SEC24B: variants seen among roughly 807,000 people sequenced by gnomAD.
The protein encoded by SEC24B is protein transport protein Sec24B.
Under a neutral mutation model 142.8 loss-of-function variants are expected in SEC24B, and 45 were observed. The observed-to-expected ratio is 0.32, with a 90% CI of 0.25 to 0.40. The LOEUF (loss-of-function observed/expected upper bound fraction) is 0.40, where lower values mean the gene tolerates loss of function less well. Among genes scored for constraint, SEC24B ranks in the 10% least tolerant of loss-of-function variants. The pLI, the probability that SEC24B is intolerant of heterozygous loss-of-function variation, is 1.00. For synonymous variants in SEC24B, 574 were observed against 568.2 expected, an observed-to-expected ratio of 1.01 and a Z score of -0.15; for missense variants, 1,409 against 1,526.8, an observed-to-expected ratio of 0.92 and a Z score of 1.29.
chr4:109,532,859 G>T, intron 21 of SEC24B, 116 bp downstream of exon 21: 3 of 578,088 alleles, frequency 5.2e-6, no homozygotes, highest in Non-Finnish European at 6.2e-6. Flanking sequence ...ATTAGGATTA[G>T]GAGCTGAAAT....
In SEC24B at chr4:109,506,478, A is replaced by G. The variant is rs1736703475; in HGVS notation, c.1639A>G (p.Asn547Asp). 16 of 1,584,644 alleles carry G rather than the reference A, an allele frequency of 1.0e-5. No homozygotes were observed. The highest frequency in any genetic ancestry group is 1.4e-5 in the Non-Finnish European group (16 of 1,167,738). The change falls in exon 7 of 24, where the codon AAT (asparagine) becomes GAT (aspartate). Residue 547 changes from asparagine to aspartate, a missense_variant. Around this residue, in one of 2 missense-constraint regions of SEC24B, gnomAD observed 709 missense variants for 673.5 expected, o/e 1.05. Transcript: ENST00000265175. ...TGTTTGGGCTCCTGTACCTAACTTG[A>G]ATGCAGACCTCAAAAAATTAAACTG... ...TPVWAPVPNL[N>D]ADLKKLNCSP... is the part of the protein sequence containing the mutation.
Position 109,526,389 on chromosome 4 carries a change from A to T in SEC24B, c.2955A>T (p.Thr985=), listed in dbSNP as rs1724230326. 1 of 1,606,100 alleles carries T rather than the reference A, an allele frequency of 6.2e-7. No individual in the cohort carries two copies. The highest frequency in any genetic ancestry group is 1.7e-5 in the Admixed American group (1 of 58,898). The change falls in exon 17 of 24, where the codon ACA becomes ACT. Residue 985 remains threonine (T), a synonymous_variant. Transcript: ENST00000265175. ...LVCFQTALLY[T]SSKGERRIRV... Reference sequence around the variant, plus strand: ...GTTTTCAAACAGCCCTATTATATACATCAAGCAAAGGTAATGTTAACAGAA... The same window carrying T: ...GTTTTCAAACAGCCCTATTATATACTTCAAGCAAAGGTAATGTTAACAGAA...
At chr4:109,442,600 G>A (rs1034909548) in intron 1 of SEC24B, among the ~76,000 whole-genome samples, 3 of 151,786 alleles carry the variant, frequency 2.0e-5, no homozygotes, top group Admixed American at 1.3e-4. Flanking sequence ...ATCTGACTTT[G>A]ATCTGACTGA....
chr4:109,459,773 T>C (rs1241359772), intron 1 of SEC24B, among the ~76,000 whole-genome samples: 1 of 152,230 alleles, frequency 6.6e-6, no homozygotes, highest in East Asian at 1.9e-4. Flanking sequence ...TTTCAGATCA[T>C]GTAGCATGGA....
Position 109,538,609 on chromosome 4 carries a change from G to T in SEC24B, c.3692+13G>T, listed in dbSNP as rs749357073. ...TTCACATAGTAAAGTAAGTACTTTT[G>T]TAACTTAATTATGAAGTTGTCTTTC... On this transcript the variant is annotated intron_variant, in intron 23 of 23. Transcript: ENST00000265175. 4 of 1,506,772 alleles carry T rather than the reference G, an allele frequency of 2.7e-6. No homozygotes were observed. In the South Asian group the frequency reaches 4.5e-5, roughly 17 times the overall value. 93.3% of individuals were successfully genotyped at this position (1,506,772 alleles called of 1,614,324 possible). A position where few individuals can be genotyped will look rare whatever the true frequency, so the allele number is the denominator to read the frequency against.
chr4:109,535,119 CG>C (rs1275554866), intron 22 of SEC24B, among the ~76,000 whole-genome samples: 1 of 152,144 alleles, frequency 6.6e-6, no homozygotes. Flanking sequence ...TGCTTATGTA[CG>C]AGTTTTTGTG....
At chr4:109,434,134 G>C (rs1728143358) in intron 1 of SEC24B, 132 bp downstream of exon 1, 2 of 586,626 alleles carry the variant, frequency 3.4e-6, no homozygotes, top group Admixed American at 1.3e-4. Flanking sequence ...ACGGGAGCGG[G>C]CGCGGTGCGG....
chr4:109,473,319 G>T, intron 3 of SEC24B, 133 bp downstream of exon 3: 3 of 526,268 alleles, frequency 5.7e-6, no homozygotes, highest in South Asian at 4.6e-5. Context: ...TCTCATATAT[G>T]TTTTACATAA....
At chr4:109,533,105 A>C (rs1287055875) in intron 21 of SEC24B, among the ~76,000 whole-genome samples, 1 of 152,228 alleles carries the variant, frequency 6.6e-6, no homozygotes, top group Admixed American at 6.5e-5. Context: ...GAGTTTATCT[A>C]GTTCAACTTA....
rs538377424 is a variant in SEC24B at position 109,442,238 on chromosome 4, G to A, written c.133+8236G>A. ...GATACCATCCTTCATACCAGAGCAG[G>A]ATCCTATAAGCTTTCAGCTGTGCCA... On this transcript the variant is annotated intron_variant, in intron 1 of 23. Coordinates refer to ENST00000265175, the MANE Select transcript of SEC24B (RefSeq NM_006323.5). Among the ~76,000 whole-genome samples, 6 of 152,210 alleles carry A rather than the reference G, an allele frequency of 3.9e-5. No individual in the cohort carries two copies. In the South Asian group the frequency reaches 1.2e-3, roughly 32 times the overall value.
At chr4:109,512,965 C>T (rs1343879204) in intron 9 of SEC24B, among the ~76,000 whole-genome samples, 1 of 142,228 alleles carries the variant, frequency 7.0e-6, no homozygotes, top group Non-Finnish European at 1.5e-5. Flanking sequence ...TGCACCTAAG[C>T]CTGATCTTTT....
intron 4 of SEC24B, among the ~76,000 whole-genome samples, chr4:109,488,303 G>A (rs540721302): frequency 2.6e-4 from 39 of 152,064 alleles, no homozygotes; most frequent in Non-Finnish European, 5.1e-4. Context: ...GCTCTAGGCA[G>A]CCATTAATCC....
intron 1 of SEC24B, among the ~76,000 whole-genome samples, chr4:109,459,376 A>G (rs1561081062): frequency 6.6e-6 from 1 of 152,234 alleles, no homozygotes. Context: ...GAGAAGTGCT[A>G]TAAGTGTAAA....
At position 109,449,876 on chromosome 4, in the gene SEC24B, T is replaced by C. The variant is rs1338226628; in HGVS notation, c.134-13025T>C. Among the ~76,000 whole-genome samples the C allele has an allele frequency of 4.6e-5, 7 of 152,174 alleles. 1 individual carries two copies. The East Asian group carries it at 1.3e-3, about 29-fold the overall frequency. On this transcript the variant is annotated intron_variant, in intron 1 of 23. Coordinates refer to ENST00000265175, the MANE Select transcript of SEC24B (RefSeq NM_006323.5). ...CTGTGAGGTTATTTTTTCCTTTTCA[T>C]GGTCTGTTTATTAGGAGTGATTCAC...
intron 7 of SEC24B, among the ~76,000 whole-genome samples, chr4:109,508,020 A>G (rs1736903397): frequency 6.6e-6 from 1 of 152,304 alleles, no homozygotes. Flanking sequence ...CCAAAATATT[A>G]TATAGAATTC....
chr4:109,514,572 G>A (rs1429399785), intron 10 of SEC24B, among the ~76,000 whole-genome samples: 4 of 152,148 alleles, frequency 2.6e-5, no homozygotes, highest in Admixed American at 6.5e-5. Context: ...GGTGGTGCAC[G>A]CCTGTAATCC....
intron 6 of SEC24B, among the ~76,000 whole-genome samples, chr4:109,500,825 A>AT (rs1193499923): frequency 1.3e-5 from 2 of 151,726 alleles, no homozygotes; most frequent in African/African-American, 4.8e-5. Context: ...CGCCCGGCTA[A>AT]TTTCTGTATT....
chr4:109,509,956 G>GT, intron 7 of SEC24B, 53 bp from the exon 8 acceptor site: 2 of 1,069,564 alleles, frequency 1.9e-6, no homozygotes, highest in Non-Finnish European at 2.8e-6. Context: ...ATCTACTTCA[G>GT]TGTATTTTTC....
chr4:109,498,886 TA>T (rs1034828437), intron 6 of SEC24B, among the ~76,000 whole-genome samples: 10 of 140,758 alleles, frequency 7.1e-5, no homozygotes, highest in African/African-American at 2.5e-4. Context: ...AAAAACACCT[TA>T]AAATTTGTTT....
Sources: allele counts gnomAD v4.1 joint callset (sites outside exome capture counted in the v4.1 genomes callset), GRCh38; gene constraint gnomAD v4.1.1; regional missense constraint gnomAD v4.1.1; transcripts MANE v1.5; gene names NCBI Gene and HGNC (gene_info 2026-07-23, HGNC 2026-07-21).